The following GRIK4 variants were observed in gnomAD, a reference collection of about 807,000 sequenced individuals.
The protein encoded by GRIK4 is glutamate ionotropic receptor kainate type subunit 4.
A neutral mutation model predicts 104.9 loss-of-function variants in GRIK4; 40 were observed. The ratio of observed to expected loss-of-function variants is 0.38; its 90% CI spans 0.30 to 0.50. GRIK4 has a LOEUF of 0.50. Ranked by LOEUF, GRIK4 falls within the 20% of genes least tolerant of loss-of-function variation. The pLI, the probability that GRIK4 is intolerant of heterozygous loss-of-function variation, is 0.93. For synonymous variants in GRIK4, 485 were observed against 524.9 expected (o/e 0.92, Z 1.04); for missense variants, 1,047 against 1,308.1 (o/e 0.80, Z 3.08).
At chr11:120,517,748 C>T (rs189730681) in intron 1 of GRIK4, among the ~76,000 whole-genome samples, 1 of 152,192 alleles carries the variant, frequency 6.6e-6, no homozygotes, top group African/African-American at 2.4e-5. Flanking sequence ...TGTGATAGTC[C>T]TGTGAAGGCC....
chr11:120,781,811 G>A (rs1202805933), intron 3 of GRIK4, among the ~76,000 whole-genome samples: 1 of 152,178 alleles, frequency 6.6e-6, no homozygotes, highest in Non-Finnish European at 1.5e-5. Flanking sequence ...TCCAGTGACT[G>A]TTAATCACAC....
intron 11 of GRIK4, among the ~76,000 whole-genome samples, chr11:120,895,877 C>T (rs567641992): frequency 6.6e-5 from 10 of 152,326 alleles, no homozygotes; most frequent in African/African-American, 2.4e-4. Context: ...ACCTTAACAG[C>T]TCATCCCTCA....
chr11:120,781,930 C>T (rs1249376177), intron 3 of GRIK4, among the ~76,000 whole-genome samples: 7 of 152,144 alleles, frequency 4.6e-5, no homozygotes, highest in East Asian at 1.9e-4. Flanking sequence ...CCACTCCAGC[C>T]GCTGAACGCC....
intron 5 of GRIK4, among the ~76,000 whole-genome samples, chr11:120,817,435 G>A (rs1952990837): frequency 6.6e-6 from 1 of 152,178 alleles, no homozygotes. Context: ...CTCAGATTAT[G>A]CATTTATTTT....
chr11:120,691,740 T>C (rs894397631), intron 3 of GRIK4, among the ~76,000 whole-genome samples: 3 of 152,186 alleles, frequency 2.0e-5, no homozygotes, highest in African/African-American at 4.8e-5. Context: ...ACTCACTTGA[T>C]TTGTTCCAAA....
chr11:120,962,805 T>G, intron 18 of GRIK4, 124 bp downstream of exon 18: 1 of 601,356 alleles, frequency 1.7e-6, no homozygotes. Context: ...AACAGTGACT[T>G]TACGTGGGCA....
chr11:120,896,841 C>T (rs1185569823), intron 11 of GRIK4, among the ~76,000 whole-genome samples: 2 of 152,200 alleles, frequency 1.3e-5, no homozygotes, highest in East Asian at 1.9e-4. Context: ...GCTGCTACTG[C>T]CTGCAGAAGC....
intron 3 of GRIK4, among the ~76,000 whole-genome samples, chr11:120,684,876 A>G (rs572749479): frequency 6.6e-6 from 1 of 152,162 alleles, no homozygotes; most frequent in East Asian, 1.9e-4. Flanking sequence ...CGCCCGGCTA[A>G]TTTTTTGTAT....
chr11:120,724,012 A>G (rs1021482637), intron 3 of GRIK4, among the ~76,000 whole-genome samples: 6 of 151,726 alleles, frequency 4.0e-5, no homozygotes, highest in African/African-American at 1.5e-4. Context: ...TTTCTGTCCT[A>G]TGGTTTTGAC....
chr11:120,804,291 C>T (rs1227503506), intron 4 of GRIK4, among the ~76,000 whole-genome samples: 1 of 152,238 alleles, frequency 6.6e-6, no homozygotes, highest in Non-Finnish European at 1.5e-5. Context: ...TACATCTGTT[C>T]TTCCATCTGA....
chr11:120,826,572 G>C (rs922527508), intron 6 of GRIK4, among the ~76,000 whole-genome samples: 3 of 152,226 alleles, frequency 2.0e-5, no homozygotes, highest in African/African-American at 7.2e-5. Flanking sequence ...TGAGGCCCAA[G>C]CTGGAAACAC....
chr11:120,965,396 C>A (rs1382635257), intron 18 of GRIK4, among the ~76,000 whole-genome samples: 1 of 152,224 alleles, frequency 6.6e-6, no homozygotes, highest in Non-Finnish European at 1.5e-5. Flanking sequence ...GTTCATGTGT[C>A]CATTCACGGC....
At chr11:120,530,344 GC>G (rs1316726846) in intron 1 of GRIK4, among the ~76,000 whole-genome samples, 1 of 152,222 alleles carries the variant, frequency 6.6e-6, no homozygotes, top group African/African-American at 2.4e-5. Context: ...AGTGACAGGA[GC>G]CCAAGCTATT....
In GRIK4 at chr11:120,943,411, C is replaced by G. The variant is rs1274820838; in HGVS notation, c.1590+2951C>G. On this transcript the variant is annotated intron_variant, in intron 14 of 20. Coordinates refer to ENST00000527524, the MANE Select transcript of GRIK4 (RefSeq NM_014619.5). Reference sequence around the variant, plus strand: ...TGAGGGGAGAACAATCCCAAATTGACTAACCCAGGGGAGATATGGTTAGAA... The same window carrying G: ...TGAGGGGAGAACAATCCCAAATTGAGTAACCCAGGGGAGATATGGTTAGAA... Among the ~76,000 whole-genome samples the G allele has an allele frequency of 2.0e-5, 3 of 152,132 alleles. No homozygotes were observed. In the East Asian group the frequency reaches 5.8e-4, roughly 29 times the overall value.
chr11:120,802,849 C>T lies in GRIK4; in HGVS notation c.239C>T (p.Ala80Val). 3 of 1,614,012 alleles carry T rather than the reference C, an allele frequency of 1.9e-6. No homozygotes were observed. The highest frequency in any genetic ancestry group is 2.5e-6 in the Non-Finnish European group (3 of 1,179,884). The change falls in exon 4 of 21, where the codon GCA becomes GTA. Residue 80 changes from alanine to valine, a missense_variant. By Grantham distance (64) the Ala-to-Val change is moderately conservative (BLOSUM62 0). Transcript: ENST00000527524. ...CTCAGAGACAGCGAGTACGAGACTG[C>T]AGAAACCAGTACGTAGACTGGGCAG... ...ELLRDSEYET[A>V]ETMCQILPKG...
chr11:120,621,004 C>G (rs1949180635), intron 1 of GRIK4, among the ~76,000 whole-genome samples: 1 of 152,214 alleles, frequency 6.6e-6, no homozygotes, highest in African/African-American at 2.4e-5. Context: ...TAACCCAAGT[C>G]AGCCTGACTC....
chr11:120,822,606 T>C (rs1319359516), intron 6 of GRIK4, among the ~76,000 whole-genome samples: 1 of 152,230 alleles, frequency 6.6e-6, no homozygotes, highest in African/African-American at 2.4e-5. Context: ...TCTTGTTACA[T>C]TTCAAGTGGT....
intron 3 of GRIK4, among the ~76,000 whole-genome samples, chr11:120,793,670 T>C (rs2135496053): frequency 6.6e-6 from 1 of 150,984 alleles, no homozygotes; most frequent in Non-Finnish European, 1.5e-5. Flanking sequence ...TGTTAGGGGC[T>C]GAGAGTAGGG....
intron 2 of GRIK4, among the ~76,000 whole-genome samples, chr11:120,655,575 A>G (rs1949693964): frequency 6.6e-6 from 1 of 152,220 alleles, no homozygotes; most frequent in African/African-American, 2.4e-5. Flanking sequence ...GGAGAACCAA[A>G]TGGAGAGAGA....
Sources: gnomAD v4.1 joint callset for allele counts (sites outside exome capture counted in the v4.1 genomes callset) on GRCh38, gnomAD v4.1.1 for gene constraint, MANE v1.5 for transcripts, NCBI Gene and HGNC (gene_info 2026-07-23, HGNC 2026-07-21) for gene names.